Variants in INTS6L observed in about 807,000 individuals in gnomAD.
INTS6L encodes integrator complex subunit 6 like.
INTS6L carries 18 observed loss-of-function variants against 64.7 expected under a neutral mutation model. The ratio of observed to expected loss-of-function variants is 0.28; its 90% CI spans 0.19 to 0.41. INTS6L has a LOEUF of 0.41. Ranked by LOEUF, INTS6L falls within the 10% of genes least tolerant of loss-of-function variation. The probability of loss-of-function intolerance (pLI) is 1.00; values close to 1 mark genes in which losing one functional copy is unlikely to be tolerated. For missense variants in INTS6L, 533 were observed against 661.0 expected (o/e 0.81, Z 2.12); for synonymous variants, 227 against 235.9 (o/e 0.96, Z 0.34).
chrX:135,566,321 A>G (rs2086947869), intron 9 of INTS6L, among the ~76,000 whole-genome samples: 1 of 112,292 alleles, frequency 8.9e-6, no homozygotes, highest in Non-Finnish European at 1.9e-5. Context: ...TGCTGTTGTT[A>G]TTATTACTGT....
chrX:135,535,926 A>G (rs926682747), intron 2 of INTS6L, among the ~76,000 whole-genome samples: 3 of 112,361 alleles, frequency 2.7e-5, no homozygotes, highest in African/African-American at 9.7e-5. Flanking sequence ...AATAAAAGAT[A>G]AAAAGTCTTG....
At chrX:135,576,186 G>T (rs2087220549) in intron 14 of INTS6L, among the ~76,000 whole-genome samples, 1 of 110,444 alleles carries the variant, frequency 9.1e-6, no homozygotes, top group South Asian at 3.9e-4. Flanking sequence ...AATTAGCCAG[G>T]CGTGGTGGTG....
chrX:135,579,564 A>T (rs782798547), intron 15 of INTS6L, among the ~76,000 whole-genome samples: 1 of 112,262 alleles, frequency 8.9e-6, no homozygotes, highest in East Asian at 2.8e-4. Context: ...TTAGAGTTGT[A>T]CTGTCTTACT....
chrX:135,557,911 C>CA (rs1361736218), intron 9 of INTS6L, among the ~76,000 whole-genome samples: 1 of 111,312 alleles, frequency 9.0e-6, no homozygotes, highest in African/African-American at 3.3e-5. Flanking sequence ...GCTTAATTTC[C>CA]AAAAAATATA....
At chrX:135,521,205 C>T in intron 1 of INTS6L, 36 bp from the exon 2 acceptor site, 1 of 1,198,075 alleles carries the variant, frequency 8.3e-7, no homozygotes, top group Non-Finnish European at 1.1e-6. Context: ...CCCCTCCTTT[C>T]CTACGCGACC....
At chrX:135,580,792 A>T (rs1422979877) in intron 16 of INTS6L, among the ~76,000 whole-genome samples, 2 of 112,720 alleles carry the variant, frequency 1.8e-5, no homozygotes, top group African/African-American at 6.4e-5. Context: ...TTTTTGCTAT[A>T]TAAGGTAATG....
In INTS6L at chrX:135,544,363, T is replaced by A. The variant is rs139626379; in HGVS notation, c.190-1060T>A. 4.1e-3 allele frequency among the ~76,000 whole-genome samples: 456 copies of A among 112,221 alleles called. 5 individuals are homozygous for A. The East Asian group carries it at 0.07, about 17-fold the overall frequency. On this transcript the variant is annotated intron_variant, in intron 2 of 17. Transcript: ENST00000639893. Reference sequence around the variant, plus strand: ...GACCATGAAACCAGAAAAGAGTGTTTGATGTAGTTGCATGGATAATGGACT... The same window carrying A: ...GACCATGAAACCAGAAAAGAGTGTTAGATGTAGTTGCATGGATAATGGACT...
intron 9 of INTS6L, among the ~76,000 whole-genome samples, chrX:135,557,895 A>G (rs1556520085): frequency 8.9e-6 from 1 of 112,270 alleles, no homozygotes; most frequent in Non-Finnish European, 1.9e-5. Flanking sequence ...CATATATCTT[A>G]TAAGGGCTTA....
At chrX:135,564,731 CA>C (rs112666496) in intron 9 of INTS6L, among the ~76,000 whole-genome samples, 2,396 of 95,329 alleles carry the variant, frequency 0.025, 80 homozygotes, top group African/African-American at 0.086. Flanking sequence ...TACACTGTCT[CA>C]AAAAAAAAAA....
intron 2 of INTS6L, among the ~76,000 whole-genome samples, chrX:135,543,586 C>T (rs1179403157): frequency 9.0e-6 from 1 of 111,727 alleles, no homozygotes; most frequent in Non-Finnish European, 1.9e-5. Context: ...GCTAATTCCT[C>T]TCTATATCCC....
At position 135,582,490 on chromosome X, in the gene INTS6L, T is replaced by G. The variant is rs184791136; in HGVS notation, c.*854T>G. 4.6e-4 allele frequency: 52 copies of G among 112,683 alleles called. No individual in the cohort carries two copies. The highest frequency in any genetic ancestry group is 1.6e-3 in the African/African-American group (50 of 31,053). The allele number at this position is 112,683 out of a possible 1,213,427, so 9.3% of individuals were successfully genotyped here. On this transcript the variant is annotated 3_prime_UTR_variant, in exon 18 of 18. Transcript: ENST00000639893. ...TTTTGCATATATAAAATAAATCATT[T>G]TATTGATTTTCACAAGTTCATTAAT...
At chrX:135,539,504 C>T (rs1319757617) in intron 2 of INTS6L, among the ~76,000 whole-genome samples, 1 of 111,807 alleles carries the variant, frequency 8.9e-6, no homozygotes, top group Non-Finnish European at 1.9e-5. Context: ...CTAAGTCTTT[C>T]TCCATCTCGG....
chrX:135,572,848 G>A lies in INTS6L; in HGVS notation c.1432G>A (p.Val478Met), dbSNP rs2087125659. The A allele has an allele frequency of 8.3e-7, 1 of 1,209,393 alleles. No homozygotes were observed. The highest frequency in any genetic ancestry group is 1.8e-5 in the African/African-American group (1 of 57,089). ...AGAGTCAGAACGAATACTAGCATCAGTGGGGAAGAAACCTCCCCAGGAAAT... is the reference window on the plus strand; with the variant it reads ...AGAGTCAGAACGAATACTAGCATCAATGGGGAAGAAACCTCCCCAGGAAAT... ...KLESERILAS[V>M]GKKPPQEIGI... The change falls in exon 12 of 18, where the codon GTG becomes ATG. Residue 478 changes from valine (V) to methionine (M), a missense_variant. Coordinates refer to ENST00000639893, the MANE Select transcript of INTS6L (RefSeq NM_001351601.3).
At chrX:135,535,621 G>C (rs1427771852) in intron 2 of INTS6L, among the ~76,000 whole-genome samples, 1 of 112,225 alleles carries the variant, frequency 8.9e-6, no homozygotes, top group African/African-American at 3.2e-5. Context: ...AAAGTGAGTT[G>C]GTTGAAAAAT....
chrX:135,556,106 G>T, intron 8 of INTS6L, 62 bp from the exon 9 acceptor site: 1 of 1,061,902 alleles, frequency 9.4e-7, no homozygotes, highest in African/African-American at 1.9e-5. Flanking sequence ...ATGTTACAAT[G>T]GGTTTGGTTT....
rs7889509 is a variant in INTS6L, at chrX:135,577,862, C to T, written c.2119+435C>T. Reference sequence around the variant, plus strand: ...GCACTTGCTCTTTGTGTTATCACCACCTATGCATGCTCTAATCCGGTGCAG... The same window carrying T: ...GCACTTGCTCTTTGTGTTATCACCATCTATGCATGCTCTAATCCGGTGCAG... On this transcript the variant is annotated intron_variant, in intron 15 of 17. Coordinates refer to ENST00000639893, the MANE Select transcript of INTS6L (RefSeq NM_001351601.3). 7.3e-3 allele frequency among the ~76,000 whole-genome samples: 818 copies of T among 111,724 alleles called. 11 individuals carry two copies. The highest frequency in any genetic ancestry group is 0.025 in the African/African-American group (781 of 30,685).
At chrX:135,538,299 A>G (rs2086108005) in intron 2 of INTS6L, among the ~76,000 whole-genome samples, 1 of 112,648 alleles carries the variant, frequency 8.9e-6, no homozygotes, top group African/African-American at 3.2e-5. Flanking sequence ...TGTTCACAAC[A>G]TCTTCACCAT....
chrX:135,581,429 A>C, intron 17 of INTS6L, 99 bp from the exon 18 acceptor site: 1 of 621,866 alleles, frequency 1.6e-6, no homozygotes. Context: ...TTATATTCCT[A>C]TGTAGATTGT....
Position 135,581,067 on chromosome X carries a change from A to G in INTS6L, c.2512A>G (p.Ile838Val). ...ATCTTCAGAATATGAAAGAATTTTC[A>G]TTTTGCTTGAAGAAGTGCAAGGACC... is the stretch of plus-strand genomic sequence containing the variant. ...KFGRKYERIF[I>V]LLEEVQGPLE... The change falls in exon 17 of 18, where the codon ATT (isoleucine) becomes GTT (valine). Residue 838 changes from isoleucine to valine, a missense_variant. Ile to Val is a conservative substitution (Grantham distance 29). Transcript: ENST00000639893. The G allele has an allele frequency of 8.5e-7, 1 of 1,172,242 alleles. No individual in the cohort carries two copies. Among genetic ancestry groups the G allele is most frequent in the East Asian group, 3.1e-5 (1 of 32,736 alleles).
Sources: gnomAD v4.1 joint callset for allele counts (sites outside exome capture counted in the v4.1 genomes callset) on GRCh38, gnomAD v4.1.1 for gene constraint, MANE v1.5 for transcripts, NCBI Gene and HGNC (gene_info 2026-07-23, HGNC 2026-07-21) for gene names.